Variants in PTPA observed in about 807,000 individuals in gnomAD.
PTPA encodes the protein protein phosphatase 2 phosphatase activator.
A neutral mutation model predicts 43.6 loss-of-function variants in PTPA; 13 were observed. That is an observed-to-expected ratio of 0.30 (90% confidence interval 0.19 to 0.47). The LOEUF (loss-of-function observed/expected upper bound fraction) is 0.47. Among genes scored for constraint, PTPA ranks in the 20% least tolerant of loss-of-function variants. The pLI is 0.99. For synonymous variants in PTPA, 172 were observed against 158.2 expected, an observed-to-expected ratio of 1.09 and a Z score of -0.66; for missense variants, 329 against 411.9, an observed-to-expected ratio of 0.80 and a Z score of 1.74.
intron 1 of PTPA, among the ~76,000 whole-genome samples, chr9:129,114,970 G>A (rs1036811827): frequency 6.6e-6 from 1 of 152,046 alleles, no homozygotes; most frequent in Non-Finnish European, 1.5e-5. Context: ...GAAATATCCC[G>A]GTTAAATAAT....
intron 1 of PTPA, among the ~76,000 whole-genome samples, chr9:129,120,072 A>G (rs2131553023): frequency 1.3e-5 from 2 of 152,302 alleles, no homozygotes; most frequent in Admixed American, 1.3e-4. Context: ...AGCCTGGCCA[A>G]CATGGTGAAA....
In PTPA at chr9:129,147,500, TC is replaced by T. The variant is rs761495351; in HGVS notation, c.*38del. 7 of 1,593,788 alleles carry T rather than the reference TC, an allele frequency of 4.4e-6. No individual in the cohort carries two copies. Among genetic ancestry groups the T allele is most frequent in the Admixed American group, 3.3e-5 (2 of 59,944 alleles). On this transcript the variant is annotated 3_prime_UTR_variant, in exon 10 of 10. Coordinates refer to ENST00000393370, the MANE Select transcript of PTPA (RefSeq NM_178000.3). ...GCCGAAGAGCCACCCAGGCCACAGT[TC>T]CTGTGCCTGCCTTCCCCACCCCAGC...
At chr9:129,142,738 G>T (rs1850976018) in intron 9 of PTPA, 186 bp downstream of exon 9, 6 of 1,537,350 alleles carry the variant, frequency 3.9e-6, no homozygotes, top group Non-Finnish European at 5.2e-6. Context: ...TGGGCAGTCA[G>T]AGAAGCACCA....
intron 6 of PTPA, among the ~76,000 whole-genome samples, chr9:129,135,254 G>A (rs1406937181): frequency 2.0e-5 from 3 of 152,124 alleles, no homozygotes; most frequent in Admixed American, 6.6e-5. Context: ...TTAGCTGGGC[G>A]TGGTGGCACT....
chr9:129,111,370 C>T (rs1255159627), upstream of PTPA: 1 of 1,221,426 alleles, frequency 8.2e-7, no homozygotes, highest in Non-Finnish European at 1.0e-6. Context: ...TCCGCGCGTC[C>T]GCCGCGCGCC....
At chr9:129,125,798 C>CT (rs1370343759) in intron 3 of PTPA, among the ~76,000 whole-genome samples, 3 of 152,150 alleles carry the variant, frequency 2.0e-5, no homozygotes, top group African/African-American at 7.2e-5. Context: ...TTGTTATTAG[C>CT]TATTGTTACC....
intron 6 of PTPA, among the ~76,000 whole-genome samples, chr9:129,135,697 G>A (rs1044024228): frequency 6.6e-6 from 1 of 152,232 alleles, no homozygotes; most frequent in Non-Finnish European, 1.5e-5. Context: ...AATCCCCATT[G>A]CGGGCCCCAG....
intron 2 of PTPA, among the ~76,000 whole-genome samples, chr9:129,122,163 T>G (rs1275700819): frequency 2.0e-5 from 3 of 152,032 alleles, no homozygotes; most frequent in Non-Finnish European, 2.9e-5. Flanking sequence ...AGTTCAGTGA[T>G]ATGATCATGG....
intron 3 of PTPA, among the ~76,000 whole-genome samples, chr9:129,123,810 A>C (rs1849408603): frequency 6.6e-6 from 1 of 151,716 alleles, no homozygotes; most frequent in South Asian, 2.1e-4. Flanking sequence ...CAGCCTCCTG[A>C]GTAGCTGGGA....
intron 1 of PTPA, among the ~76,000 whole-genome samples, chr9:129,113,697 G>A (rs1472243359): frequency 6.6e-6 from 1 of 152,028 alleles, no homozygotes; most frequent in Non-Finnish European, 1.5e-5. Context: ...TTGAACCCAG[G>A]AGGCGGAGGT....
intron 1 of PTPA, among the ~76,000 whole-genome samples, chr9:129,112,721 C>A (rs139912617): frequency 1.3e-5 from 2 of 152,196 alleles, no homozygotes; most frequent in Non-Finnish European, 2.9e-5. Context: ...GCGGGCTGAT[C>A]ACCTGAGGTC....
intron 5 of PTPA, among the ~76,000 whole-genome samples, chr9:129,134,559 C>T (rs757444185): frequency 1.3e-5 from 2 of 152,118 alleles, no homozygotes; most frequent in Non-Finnish European, 2.9e-5. Flanking sequence ...CTGCCTCAGC[C>T]TCCTGAAGTG....
chr9:129,127,014 C>T (rs943479006), intron 3 of PTPA, among the ~76,000 whole-genome samples: 17 of 152,140 alleles, frequency 1.1e-4, no homozygotes, highest in African/African-American at 3.9e-4. Flanking sequence ...TTGTAAGCCC[C>T]CGTTTCTGCA....
chr9:129,112,363 A>G (rs1848580563), intron 1 of PTPA, among the ~76,000 whole-genome samples: 1 of 152,200 alleles, frequency 6.6e-6, no homozygotes, highest in African/African-American at 2.4e-5. Context: ...CCTACCTTGA[A>G]CTAAGAAGGA....
At position 129,147,776 on chromosome 9, in the gene PTPA, C is replaced by G. The variant is rs970194327; in HGVS notation, c.*312C>G. Reference sequence around the variant, plus strand: ...GGCCTCTTCTCCCTTCACTCCCGTCCAGTCTGGTTTTGAGAGCAGGGGCTG... The same window carrying G: ...GGCCTCTTCTCCCTTCACTCCCGTCGAGTCTGGTTTTGAGAGCAGGGGCTG... On this transcript the variant is annotated 3_prime_UTR_variant, in exon 10 of 10. Coordinates refer to ENST00000393370, the MANE Select transcript of PTPA (RefSeq NM_178000.3). 2.7e-6 allele frequency: 1 copy of G among 366,212 alleles called. No homozygotes were observed. The highest frequency in any genetic ancestry group is 5.2e-6 in the Non-Finnish European group (1 of 193,040). The allele number at this position is 366,212 out of a possible 1,614,324, so 22.7% of individuals were successfully genotyped here. A position where few individuals can be genotyped will look rare whatever the true frequency, so the allele number is the denominator to read the frequency against.
intron 8 of PTPA, chr9:129,141,717 C>G (rs1326491978): frequency 2.0e-5 from 3 of 152,476 alleles, no homozygotes; most frequent in African/African-American, 7.2e-5. Context: ...CCTCTTTCAG[C>G]TGCTGTGGCG....
At chr9:129,142,277 C>T (rs540407868) in intron 8 of PTPA, 168 bp from the exon 9 acceptor site, 5 of 551,164 alleles carry the variant, frequency 9.1e-6, no homozygotes, top group African/African-American at 3.8e-5. Flanking sequence ...ATGTTTGCCC[C>T]TCAGGCAGAT....
chr9:129,121,937 G>C (rs1054783156), intron 2 of PTPA, among the ~76,000 whole-genome samples: 4 of 152,198 alleles, frequency 2.6e-5, no homozygotes, highest in African/African-American at 9.7e-5. Flanking sequence ...CTTGGTATAG[G>C]AATACTTCCT....
intron 8 of PTPA, chr9:129,139,282 C>T (rs1431315491): frequency 6.6e-6 from 1 of 152,188 alleles, no homozygotes; most frequent in Non-Finnish European, 1.5e-5. Flanking sequence ...AAGTTTGGGA[C>T]CCAGTTCCTC....
Sources: gnomAD v4.1 joint callset for allele counts (sites outside exome capture counted in the v4.1 genomes callset) on GRCh38, gnomAD v4.1.1 for gene constraint, MANE v1.5 for transcripts, NCBI Gene and HGNC (gene_info 2026-07-23, HGNC 2026-07-21) for gene names.